The following CEP63 variants were observed in gnomAD, a reference collection of about 807,000 sequenced individuals.
CEP63 encodes centrosomal protein 63.
In CEP63, 84 loss-of-function variants were observed where a neutral mutation model predicts 89.1. The ratio of observed to expected loss-of-function variants is 0.94; its 90% CI spans 0.79 to 1.13. The LOEUF is 1.13. Ranked by LOEUF, CEP63 falls within the 50% of genes most tolerant of loss-of-function variation. The probability of loss-of-function intolerance (pLI) is 0.00; values close to 1 mark genes in which losing one functional copy is unlikely to be tolerated. For missense variants in CEP63, 838 were observed against 813.3 expected, an observed-to-expected ratio of 1.03 and a Z score of -0.37; for synonymous variants, 267 against 272.5, an observed-to-expected ratio of 0.98 and a Z score of 0.20.
At chr3:134,557,910 T>G (rs1318435175) in intron 12 of CEP63, among the ~76,000 whole-genome samples, 1 of 152,166 alleles carries the variant, frequency 6.6e-6, no homozygotes, top group Non-Finnish European at 1.5e-5. Flanking sequence ...TCCTCCACCT[T>G]CTTGGAATTC....
the CEP63 span, among the ~76,000 whole-genome samples, chr3:134,685,242 T>A: frequency 6.6e-6 from 1 of 152,028 alleles, no homozygotes; most frequent in African/African-American, 2.4e-5. Context: ...TTAAACTACG[T>A]TGAGATGAAG....
the CEP63 span, among the ~76,000 whole-genome samples, chr3:134,687,453 A>G: frequency 0.016 from 2,480 of 152,240 alleles, 61 homozygotes; most frequent in African/African-American, 0.055. Context: ...GGGAGATAGC[A>G]CCATTCTTAT....
At chr3:134,666,011 G>T in the CEP63 span, among the ~76,000 whole-genome samples, 1 of 152,032 alleles carries the variant, frequency 6.6e-6, no homozygotes, top group South Asian at 2.1e-4. Flanking sequence ...GGAACCAAAG[G>T]GATCAAGAGA....
At chr3:134,751,495 T>C in the CEP63 span, among the ~76,000 whole-genome samples, 2 of 152,268 alleles carry the variant, frequency 1.3e-5, no homozygotes, top group South Asian at 2.1e-4. Context: ...CCCAGGGCAC[T>C]ATGACTGCTT....
chr3:134,512,657 C>G (rs1157384960), intron 3 of CEP63, among the ~76,000 whole-genome samples: 1 of 152,070 alleles, frequency 6.6e-6, no homozygotes, highest in Non-Finnish European at 1.5e-5. Flanking sequence ...GGCATTTTCC[C>G]TATGTTTCCA....
chr3:134,664,954 G>A, the CEP63 span, among the ~76,000 whole-genome samples: 2 of 152,150 alleles, frequency 1.3e-5, no homozygotes, highest in African/African-American at 2.4e-5. Context: ...CCAGGAAGAA[G>A]AGAAGGAAAT....
intron 1 of CEP63, among the ~76,000 whole-genome samples, chr3:134,490,121 C>T (rs1368569956): frequency 6.6e-6 from 1 of 152,028 alleles, no homozygotes; most frequent in Non-Finnish European, 1.5e-5. Context: ...GGTGTTCTTG[C>T]TACTAGGTTA....
At position 134,549,119 on chromosome 3, in the gene CEP63, T is replaced by G. The variant is rs753579827; in HGVS notation, c.1125T>G (p.Tyr375Ter). The G allele has an allele frequency of 1.2e-6, 2 of 1,613,502 alleles. No homozygotes were observed. Among genetic ancestry groups the G allele is most frequent in the Non-Finnish European group, 1.7e-6 (2 of 1,179,650 alleles). The change falls in exon 10 of 15, where the codon TAT becomes TAG. Residue 375 changes from tyrosine (Y) to a stop codon, truncating the protein, a stop_gained. Coordinates refer to ENST00000675561, the MANE Select transcript of CEP63 (RefSeq NM_001353108.3). LOFTEE classifies it high-confidence loss of function. ...TGAGCCAAGAACTAATGGAAAAATA[T>G]GAAGAACTGAAGAGGATGGAAGCAC... Reference protein sequence around the residue: ...KQLSQELMEKYEELKRMEAHN... With the variant: ...KQLSQELMEK
At chr3:134,492,273 C>T (rs1452627632) in intron 1 of CEP63, among the ~76,000 whole-genome samples, 3 of 151,828 alleles carry the variant, frequency 2.0e-5, no homozygotes, top group Non-Finnish European at 4.4e-5. Flanking sequence ...GGGGTTTCAC[C>T]GTGTTAGCCA....
rs566734217 is a variant in CEP63 at position 134,524,465 on chromosome 3, G to A, written c.223-7380G>A. Reference sequence around the variant, plus strand: ...GAGAGGGCATCCTTCTCTTCTGCTGGTTTTCAAGGGTTTCCAGCTTTTGCC... The same window carrying A: ...GAGAGGGCATCCTTCTCTTCTGCTGATTTTCAAGGGTTTCCAGCTTTTGCC... On this transcript the variant is annotated intron_variant, in intron 3 of 14. Coordinates refer to ENST00000675561, the MANE Select transcript of CEP63 (RefSeq NM_001353108.3). Among the ~76,000 whole-genome samples, 4 of 152,156 alleles carry A rather than the reference G, an allele frequency of 2.6e-5. No individual in the cohort carries two copies. In the South Asian group the frequency reaches 8.3e-4, roughly 32 times the overall value.
At chr3:134,500,040 G>T (rs1941490051) in intron 2 of CEP63, among the ~76,000 whole-genome samples, 1 of 151,832 alleles carries the variant, frequency 6.6e-6, no homozygotes, top group African/African-American at 2.4e-5. Context: ...TGGCCAGGCT[G>T]GTCTCGAACT....
chr3:134,605,833 G>C, the CEP63 span, among the ~76,000 whole-genome samples: 54 of 152,150 alleles, frequency 3.5e-4, no homozygotes, highest in African/African-American at 1.2e-3. Context: ...TCCCCTCTTT[G>C]CGACCCCCAC....
At chr3:134,713,527 A>G in the CEP63 span, among the ~76,000 whole-genome samples, 1 of 152,208 alleles carries the variant, frequency 6.6e-6, no homozygotes, top group Non-Finnish European at 1.5e-5. Flanking sequence ...AGGTGAAAGG[A>G]AAGAAGGAAG....
chr3:134,659,889 C>A, the CEP63 span, among the ~76,000 whole-genome samples: 1 of 152,212 alleles, frequency 6.6e-6, no homozygotes, highest in African/African-American at 2.4e-5. Context: ...GGAGATTTTT[C>A]AGTGTCAGTG....
Position 134,561,679 on chromosome 3 carries a change from T to G in CEP63, c.*144T>G. On this transcript the variant is annotated 3_prime_UTR_variant, in exon 15 of 15. Transcript: ENST00000675561. ...GCAGTGGTGAAGAAAGCTGAAAAAC[T>G]GATACTTTTGATAGGCATTTTCTCT... 1 of 1,462,574 alleles carries G rather than the reference T, an allele frequency of 6.8e-7. No individual in the cohort carries two copies. Among genetic ancestry groups the G allele is most frequent in the Non-Finnish European group, 9.0e-7 (1 of 1,113,168 alleles). The allele number at this position is 1,462,574 out of a possible 1,614,324, so 90.6% of individuals were successfully genotyped here.
chr3:134,616,863 C>T, the CEP63 span, among the ~76,000 whole-genome samples: 1 of 152,192 alleles, frequency 6.6e-6, no homozygotes, highest in African/African-American at 2.4e-5. Flanking sequence ...ACCCCAAAAT[C>T]GGGTTGGTAA....
At chr3:134,596,044 G>A in the CEP63 span, among the ~76,000 whole-genome samples, 1 of 102,804 alleles carries the variant, frequency 9.7e-6, no homozygotes, top group African/African-American at 3.9e-5. Flanking sequence ...CCGTGGAAAG[G>A]TTTGTTTGTT....
Position 134,507,339 on chromosome 3 carries a change from T to C in CEP63, c.222+53T>C, listed in dbSNP as rs541037746. 16 of 1,330,510 alleles carry C rather than the reference T, an allele frequency of 1.2e-5. No individual in the cohort carries two copies. In the Admixed American group the frequency reaches 2.2e-4, roughly 18 times the overall value. 82.4% of individuals were successfully genotyped at this position (1,330,510 alleles called of 1,614,324 possible). A position where few individuals can be genotyped will look rare whatever the true frequency, so the allele number is the denominator to read the frequency against. ...TGACATTTTTATCTTGTCTTTTATA[T>C]TAAATGTGTTTCTTAAGTATTTGTT... On this transcript the variant is annotated intron_variant, in intron 3 of 14. Transcript: ENST00000675561.
the CEP63 span, among the ~76,000 whole-genome samples, chr3:134,613,455 C>T: frequency 2.0e-5 from 3 of 152,302 alleles, no homozygotes; most frequent in East Asian, 3.9e-4. Context: ...TCCACCTGTA[C>T]TGCTCTGAGT....
Sources: allele counts gnomAD v4.1 joint callset (sites outside exome capture counted in the v4.1 genomes callset), GRCh38; gene constraint gnomAD v4.1.1; transcripts MANE v1.5; gene names NCBI Gene and HGNC (gene_info 2026-07-23, HGNC 2026-07-21).